Variants in LPCAT2 observed in about 807,000 individuals in gnomAD.
The protein encoded by LPCAT2 is 1-AGP acyltransferase 11.
In LPCAT2, 58 loss-of-function variants were observed where a neutral mutation model predicts 64.7. The ratio of observed to expected loss-of-function variants is 0.90; its 90% CI spans 0.73 to 1.12. The LOEUF (loss-of-function observed/expected upper bound fraction) is 1.12. Ranked by LOEUF, LPCAT2 falls within the 50% of genes most tolerant of loss-of-function variation. LPCAT2 has a pLI of 0.00. For synonymous variants in LPCAT2, 252 were observed against 245.3 expected (o/e 1.03, Z -0.26); for missense variants, 579 against 669.8 (o/e 0.86, Z 1.50).
rs1292143895 is a variant in LPCAT2 at position 55,583,857 on chromosome 16, AT to A, written c.*764del. 1 of 151,956 alleles carries A rather than the reference AT, an allele frequency of 6.6e-6. No homozygotes were observed. The highest frequency in any genetic ancestry group is 2.4e-5 in the African/African-American group (1 of 41,360). 9.4% of individuals were successfully genotyped at this position (151,956 alleles called of 1,614,324 possible). The stretch of plus-strand genomic sequence containing the variant: ...ACCACCACACCCGACTAATTTTTGT[AT>A]TTTTAGTAGCCATGTGGTTTTGCCA... On this transcript the variant is annotated 3_prime_UTR_variant, in exon 14 of 14. Transcript: ENST00000262134.
intron 11 of LPCAT2, among the ~76,000 whole-genome samples, chr16:55,569,030 T>G (rs1274186092): frequency 6.6e-6 from 1 of 152,182 alleles, no homozygotes; most frequent in Non-Finnish European, 1.5e-5. Flanking sequence ...CCCAGGCTAC[T>G]TTGGAGGGTC....
At chr16:55,545,095 A>G (rs573575830) in intron 8 of LPCAT2, among the ~76,000 whole-genome samples, 24 of 152,328 alleles carry the variant, frequency 1.6e-4, no homozygotes, top group African/African-American at 5.5e-4. Context: ...ATGTCAGGAA[A>G]CCATAAATAA....
chr16:55,547,143 G>A (rs751204187), intron 9 of LPCAT2, among the ~76,000 whole-genome samples: 3 of 149,696 alleles, frequency 2.0e-5, no homozygotes, highest in Admixed American at 6.6e-5. Context: ...GTGAAACTCC[G>A]TCTCAAAAAA....
chr16:55,566,153 A>G (rs576225958), intron 11 of LPCAT2, among the ~76,000 whole-genome samples: 186 of 152,344 alleles, frequency 1.2e-3, no homozygotes, highest in African/African-American at 4.3e-3. Context: ...TGTCGATCAC[A>G]GACACCACAG....
chr16:55,546,421 C>CAGGT (rs1205518121), intron 9 of LPCAT2, among the ~76,000 whole-genome samples: 2 of 152,158 alleles, frequency 1.3e-5, no homozygotes, highest in Admixed American at 6.5e-5. Flanking sequence ...CAGAGCCCTC[C>CAGGT]AGGTGTGCAT....
At chr16:55,574,298 T>G (rs901704371) in intron 11 of LPCAT2, among the ~76,000 whole-genome samples, 2 of 152,154 alleles carry the variant, frequency 1.3e-5, no homozygotes, top group East Asian at 1.9e-4. Context: ...AACACTTCAC[T>G]TCCACAAAGG....
At chr16:55,557,592 T>C (rs1258625527) in intron 11 of LPCAT2, among the ~76,000 whole-genome samples, 1 of 152,204 alleles carries the variant, frequency 6.6e-6, no homozygotes, top group Non-Finnish European at 1.5e-5. Flanking sequence ...CCTGTTGCTC[T>C]TTCAGCAGCT....
At chr16:55,570,565 T>C (rs1414595198) in intron 11 of LPCAT2, among the ~76,000 whole-genome samples, 1 of 151,852 alleles carries the variant, frequency 6.6e-6, no homozygotes, top group Non-Finnish European at 1.5e-5. Flanking sequence ...GCCCGGGGGG[T>C]CCAGCCTGAG....
intron 11 of LPCAT2, chr16:55,556,833 A>T (rs1963582358): frequency 6.6e-6 from 1 of 152,262 alleles, no homozygotes; most frequent in African/African-American, 2.4e-5. Flanking sequence ...TTGTTTGTAC[A>T]GCACTGTTAA....
At chr16:55,547,912 C>T (rs1807346599) in intron 9 of LPCAT2, among the ~76,000 whole-genome samples, 6 of 151,982 alleles carry the variant, frequency 3.9e-5, no homozygotes, top group South Asian at 2.1e-4. Context: ...GGATTACAGG[C>T]GCCCACCATC....
At chr16:55,547,358 T>C (rs1963465719) in intron 9 of LPCAT2, among the ~76,000 whole-genome samples, 2 of 152,308 alleles carry the variant, frequency 1.3e-5, no homozygotes, top group Middle Eastern at 3.4e-3. Flanking sequence ...TCTCCTCACA[T>C]GTGAAATGGG....
chr16:55,550,981 A>G lies in LPCAT2; in HGVS notation c.1094A>G (p.Asp365Gly). 1.2e-6 allele frequency: 2 copies of G among 1,607,022 alleles called. No homozygotes were observed. Among genetic ancestry groups the G allele is most frequent in the South Asian group, 1.1e-5 (1 of 90,190 alleles). Residue 365 changes from aspartate to glycine, a missense_variant, in exon 11 of 14, where the codon GAT (aspartate) becomes GGT (glycine). Physicochemically the swap from Asp to Gly is moderately conservative, Grantham distance 94. Transcript: ENST00000262134. ...LDWDGVRKHL[D>G]EYASIASSSK... ...TGGGATGGTGTTCGTAAGCATTTGG[A>G]TGAATATGCATCTATTGCGAGTTCC...
chr16:55,518,181 G>A (rs956183015), intron 1 of LPCAT2, among the ~76,000 whole-genome samples: 2 of 152,096 alleles, frequency 1.3e-5, no homozygotes, highest in Admixed American at 6.5e-5. Context: ...AAAACAGTTC[G>A]ATTTAATTTA....
At chr16:55,510,600 C>T (rs1357688628) in intron 1 of LPCAT2, among the ~76,000 whole-genome samples, 3 of 152,136 alleles carry the variant, frequency 2.0e-5, no homozygotes, top group African/African-American at 7.2e-5. Flanking sequence ...AGCTAAACAA[C>T]ACAGGTGGTG....
intron 11 of LPCAT2, among the ~76,000 whole-genome samples, chr16:55,570,713 A>G (rs773950654): frequency 6.6e-6 from 1 of 152,222 alleles, no homozygotes. Context: ...TAATGTGCCT[A>G]CTGATCTTGA....
At chr16:55,534,381 A>T in intron 6 of LPCAT2, 62 bp from the exon 7 acceptor site, 1 of 947,362 alleles carries the variant, frequency 1.1e-6, no homozygotes, top group Admixed American at 1.9e-5. Context: ...TTAAAATAAG[A>T]TCTTTATTTT....
chr16:55,585,158 C>A lies in LPCAT2; in HGVS notation c.*2060C>A, dbSNP rs1415556746. 3 of 152,158 alleles carry A rather than the reference C, an allele frequency of 2.0e-5. No individual in the cohort carries two copies. Among genetic ancestry groups the A allele is most frequent in the African/African-American group, 7.2e-5 (3 of 41,450 alleles). The allele number at this position is 152,158 out of a possible 1,614,324, so 9.4% of individuals were successfully genotyped here. On this transcript the variant is annotated 3_prime_UTR_variant, in exon 14 of 14. Coordinates refer to ENST00000262134, the MANE Select transcript of LPCAT2 (RefSeq NM_017839.5). ...GTGATTATGTTACTGAATAAACAAACTTGCTACATAAAATTCTTAGCAATT... is the reference window on the plus strand; with the variant it reads ...GTGATTATGTTACTGAATAAACAAAATTGCTACATAAAATTCTTAGCAATT...
intron 11 of LPCAT2, among the ~76,000 whole-genome samples, chr16:55,568,832 G>A (rs557462362): frequency 2.6e-5 from 4 of 152,246 alleles, no homozygotes; most frequent in South Asian, 2.1e-4. Context: ...CCTTTCTTGC[G>A]TACAGACCTT....
chr16:55,570,614 A>T (rs991564865), intron 11 of LPCAT2, among the ~76,000 whole-genome samples: 1 of 152,126 alleles, frequency 6.6e-6, no homozygotes, highest in Admixed American at 6.6e-5. Context: ...ACAATTATTT[A>T]AAAAAATCTT....
Sources: gnomAD v4.1 joint callset for allele counts (sites outside exome capture counted in the v4.1 genomes callset) on GRCh38, gnomAD v4.1.1 for gene constraint, MANE v1.5 for transcripts, NCBI Gene and HGNC (gene_info 2026-07-23, HGNC 2026-07-21) for gene names.